The following MGAT4C variants were observed in gnomAD, a reference collection of about 807,000 sequenced individuals.
MGAT4C encodes MGAT4 family member C, also known as alpha-1,3-mannosyl-glycoprotein 4-beta-N-acetylglucosaminyltransferase C.
MGAT4C carries 19 observed loss-of-function variants against 40.1 expected under a neutral mutation model. That is an observed-to-expected ratio of 0.47 (90% CI 0.33 to 0.70). The LOEUF (loss-of-function observed/expected upper bound fraction) is 0.70. Among genes scored for constraint, MGAT4C ranks in the 30% least tolerant of loss-of-function variants. The pLI, the probability that MGAT4C is intolerant of heterozygous loss-of-function variation, is 0.02. For synonymous variants in MGAT4C, 181 were observed against 187.1 expected, an observed-to-expected ratio of 0.97 and a Z score of 0.27; for missense variants, 491 against 563.2, an observed-to-expected ratio of 0.87 and a Z score of 1.30.
chr12:86,534,719 C>T (rs1183298184), intron 2 of MGAT4C, among the ~76,000 whole-genome samples: 1 of 152,068 alleles, frequency 6.6e-6, no homozygotes, highest in Non-Finnish European at 1.5e-5. Flanking sequence ...CCTAGAGAAT[C>T]AATCTTACAA....
chr12:86,143,422 G>A (rs1351171975), intron 1 of MGAT4C, among the ~76,000 whole-genome samples: 2 of 152,108 alleles, frequency 1.3e-5, no homozygotes, highest in African/African-American at 4.8e-5. Flanking sequence ...CTTTAGAGGA[G>A]ATTGTCATGC....
At chr12:86,576,045 C>A (rs1565860009) in intron 2 of MGAT4C, among the ~76,000 whole-genome samples, 1 of 151,916 alleles carries the variant, frequency 6.6e-6, no homozygotes, top group Non-Finnish European at 1.5e-5. Context: ...GATGATATCT[C>A]ATTGTAGCTT....
At chr12:86,303,494 T>C (rs1050526142) in intron 4 of MGAT4C, among the ~76,000 whole-genome samples, 2 of 149,906 alleles carry the variant, frequency 1.3e-5, no homozygotes, top group Admixed American at 6.6e-5. Flanking sequence ...TCAGATCTTA[T>C]ACAGCTGGGA....
intron 2 of MGAT4C, among the ~76,000 whole-genome samples, chr12:86,717,014 A>G (rs1035758271): frequency 2.0e-5 from 3 of 152,030 alleles, no homozygotes; most frequent in Non-Finnish European, 4.4e-5. Flanking sequence ...CTTTAACCCA[A>G]TCATGGTTTC....
At chr12:86,429,273 A>C (rs1956988072) in intron 3 of MGAT4C, among the ~76,000 whole-genome samples, 1 of 152,134 alleles carries the variant, frequency 6.6e-6, no homozygotes, top group African/African-American at 2.4e-5. Context: ...GAATTTTCTA[A>C]AATTGCTACT....
intron 2 of MGAT4C, among the ~76,000 whole-genome samples, chr12:86,617,348 C>A (rs1429800887): frequency 1.3e-5 from 2 of 152,174 alleles, no homozygotes; most frequent in Non-Finnish European, 2.9e-5. Context: ...ATTCAACCAT[C>A]CACAGATTCA....
chr12:86,010,225 G>C (rs1355921572), intron 2 of MGAT4C, among the ~76,000 whole-genome samples: 1 of 152,128 alleles, frequency 6.6e-6, no homozygotes, highest in Non-Finnish European at 1.5e-5. Flanking sequence ...AAGCAAAACA[G>C]ACATCAGAAG....
chr12:86,440,590 T>C, intron 2 of MGAT4C, among the ~76,000 whole-genome samples: 1 of 152,008 alleles, frequency 6.6e-6, no homozygotes, highest in Admixed American at 6.6e-5. Flanking sequence ...CCCATTTTCA[T>C]CACTTCTATT....
In MGAT4C at chr12:85,975,968, G is replaced by C. The variant is rs1199887473; in HGVS notation, c.*3321C>G. 1 of 151,086 alleles carries C rather than the reference G, an allele frequency of 6.6e-6. No homozygotes were observed. The highest frequency in any genetic ancestry group is 2.1e-4 in the South Asian group (1 of 4,828). The allele number at this position is 151,086 out of a possible 1,614,324, so 9.4% of individuals were successfully genotyped here. ...TTTTCAATGTTAATCCTGGTATCATGTTCTTTGCCATAAACTTGTTGACAA... is the reference window on the plus strand; with the variant it reads ...TTTTCAATGTTAATCCTGGTATCATCTTCTTTGCCATAAACTTGTTGACAA... On this transcript the variant is annotated 3_prime_UTR_variant, in exon 5 of 5. Transcript: ENST00000611864.
intron 1 of MGAT4C, among the ~76,000 whole-genome samples, chr12:86,163,995 A>G (rs1885902028): frequency 6.6e-6 from 1 of 152,242 alleles, no homozygotes; most frequent in Non-Finnish European, 1.5e-5. Context: ...TATGTGCAGT[A>G]GAGGGCAGTT....
intron 2 of MGAT4C, among the ~76,000 whole-genome samples, chr12:86,480,850 TTTTG>T (rs1233563527): frequency 6.6e-6 from 1 of 151,840 alleles, no homozygotes. Flanking sequence ...TTTGTATTGT[TTTTG>T]TTTCTTTTTT....
At chr12:86,348,828 C>G (rs1465900512) in intron 3 of MGAT4C, among the ~76,000 whole-genome samples, 1 of 151,826 alleles carries the variant, frequency 6.6e-6, no homozygotes, top group Non-Finnish European at 1.5e-5. Context: ...CTTTTTGGTA[C>G]TTGGAAACTT....
intron 2 of MGAT4C, among the ~76,000 whole-genome samples, chr12:86,495,516 AC>A (rs1958221054): frequency 2.0e-5 from 3 of 152,042 alleles, no homozygotes; most frequent in African/African-American, 7.2e-5. Context: ...GTATTTGAAG[AC>A]TGGCTGGTGT....
At chr12:86,381,862 T>C (rs1955936133) in intron 3 of MGAT4C, among the ~76,000 whole-genome samples, 1 of 152,170 alleles carries the variant, frequency 6.6e-6, no homozygotes, top group African/African-American at 2.4e-5. Flanking sequence ...TCATGAGATC[T>C]GATAGGTTTA....
chr12:85,985,926 T>C (rs1364519433), intron 3 of MGAT4C, among the ~76,000 whole-genome samples: 1 of 152,178 alleles, frequency 6.6e-6, no homozygotes, highest in Non-Finnish European at 1.5e-5. Context: ...ATTTTACCAT[T>C]CTATTCTTAG....
At chr12:86,286,957 A>T (rs1953367390) in intron 4 of MGAT4C, among the ~76,000 whole-genome samples, 1 of 152,124 alleles carries the variant, frequency 6.6e-6, no homozygotes, top group Admixed American at 6.6e-5. Context: ...CATGATTTAT[A>T]AGTAATATAT....
chr12:86,835,592 T>C lies in MGAT4C; in HGVS notation c.-262+3074A>G, dbSNP rs574141963. Reference sequence around the variant, plus strand: ...TCTTGTCTTCTATTTCCATATCCTTTGGGAAAATGTAAAAGTGGGAAATGA... The same window carrying C: ...TCTTGTCTTCTATTTCCATATCCTTCGGGAAAATGTAAAAGTGGGAAATGA... On this transcript the variant is annotated intron_variant, in intron 1 of 7. Transcript: ENST00000548651. Among the ~76,000 whole-genome samples, 334 of 152,120 alleles carry C rather than the reference T, an allele frequency of 2.2e-3. 6 individuals carry two copies. Among genetic ancestry groups the C allele is most frequent in the African/African-American group, 7.7e-3 (321 of 41,546 alleles).
chr12:86,269,885 G>A (rs1480259914), intron 4 of MGAT4C, among the ~76,000 whole-genome samples: 1 of 151,982 alleles, frequency 6.6e-6, no homozygotes, highest in African/African-American at 2.4e-5. Context: ...ATGAATTGTA[G>A]TTTTTTATTG....
At chr12:86,636,175 T>G (rs1223722351) in intron 2 of MGAT4C, among the ~76,000 whole-genome samples, 4 of 152,164 alleles carry the variant, frequency 2.6e-5, no homozygotes, top group Non-Finnish European at 5.9e-5. Context: ...TCTATAATGT[T>G]TGCATGAGGA....
Sources: gnomAD v4.1 joint callset for allele counts (sites outside exome capture counted in the v4.1 genomes callset) on GRCh38, gnomAD v4.1.1 for gene constraint, MANE v1.5 for transcripts, NCBI Gene and HGNC (gene_info 2026-07-23, HGNC 2026-07-21) for gene names.